CNTNAP4: variants seen among roughly 807,000 people sequenced by gnomAD.
The protein encoded by CNTNAP4 is contactin associated protein family member 4, also known as contactin-associated protein-like 4.
In CNTNAP4, 98 loss-of-function variants were observed where a neutral mutation model predicts 148.4. The ratio of observed to expected loss-of-function variants is 0.66; its 90% CI spans 0.56 to 0.78. CNTNAP4 has a LOEUF of 0.78. CNTNAP4 is among the 30% of genes least tolerant of loss of function. The pLI is 0.00. For synonymous variants in CNTNAP4, 730 were observed against 565.1 expected (o/e 1.29, Z -4.14); for missense variants, 1,935 against 1,565.6 (o/e 1.24, Z -3.98).
intron 3 of CNTNAP4, among the ~76,000 whole-genome samples, chr16:76,422,217 G>C (rs1200616650): frequency 6.6e-6 from 1 of 151,912 alleles, no homozygotes; most frequent in Non-Finnish European, 1.5e-5. Flanking sequence ...TACAATGAAG[G>C]CTTTTTGGTT....
At chr16:76,309,169 A>C (rs181132005) in intron 1 of CNTNAP4, among the ~76,000 whole-genome samples, 2 of 152,196 alleles carry the variant, frequency 1.3e-5, no homozygotes, top group Admixed American at 1.3e-4. Flanking sequence ...CTGGGTGCTT[A>C]AAATGGACTT....
In CNTNAP4 at chr16:76,476,059, A is replaced by T; in HGVS notation, c.1762+14A>T. ...CTTGCCATAACTGTAAGCGGAACAC[A>T]TCTGCTTTTTCTTGCCCCTGTGATG... On this transcript the variant is annotated intron_variant, in intron 11 of 23. Coordinates refer to ENST00000611870, the MANE Select transcript of CNTNAP4 (RefSeq NM_033401.5). 6.4e-7 allele frequency: 1 copy of T among 1,561,828 alleles called. No individual in the cohort carries two copies. Among genetic ancestry groups the T allele is most frequent in the Non-Finnish European group, 8.8e-7 (1 of 1,132,580 alleles).
At chr16:76,457,594 A>G (rs1174297542) in intron 8 of CNTNAP4, among the ~76,000 whole-genome samples, 1 of 152,084 alleles carries the variant, frequency 6.6e-6, no homozygotes, top group East Asian at 1.9e-4. Context: ...ATGCCTAACC[A>G]ATGACTGCCC....
chr16:76,384,887 G>T (rs2016357061), intron 3 of CNTNAP4, among the ~76,000 whole-genome samples: 1 of 151,926 alleles, frequency 6.6e-6, no homozygotes, highest in Non-Finnish European at 1.5e-5. Flanking sequence ...AGAACAACAG[G>T]GAAATCATAT....
At chr16:76,429,048 T>C (rs757976494) in intron 4 of CNTNAP4, among the ~76,000 whole-genome samples, 64 of 152,202 alleles carry the variant, frequency 4.2e-4, no homozygotes, top group African/African-American at 1.5e-3. Flanking sequence ...CCTCTAGTTG[T>C]TGAATAACAG....
intron 11 of CNTNAP4, among the ~76,000 whole-genome samples, chr16:76,476,548 G>A (rs796387800): frequency 7.9e-5 from 12 of 152,258 alleles, no homozygotes; most frequent in African/African-American, 2.6e-4. Context: ...CCATAGCCTA[G>A]GTGACTTACA....
intron 23 of CNTNAP4, among the ~76,000 whole-genome samples, chr16:76,555,778 A>G (rs866354957): frequency 2.0e-5 from 3 of 152,370 alleles, no homozygotes; most frequent in Non-Finnish European, 4.4e-5. Context: ...ACTTAGCTCA[A>G]ATTCACAGGA....
chr16:76,408,380 A>ACAATTAACAGTTGTTAATCTATTAC, intron 3 of CNTNAP4, among the ~76,000 whole-genome samples: 1 of 147,374 alleles, frequency 6.8e-6, no homozygotes, highest in African/African-American at 2.4e-5. Context: ...TAATCTATTA[A>ACAATTAACAGTTGTTAATCTATTAC]CAATTAACAG....
chr16:76,379,110 T>C (rs967777821), intron 3 of CNTNAP4, among the ~76,000 whole-genome samples: 4 of 152,114 alleles, frequency 2.6e-5, no homozygotes, highest in Non-Finnish European at 5.9e-5. Flanking sequence ...TGGGATGCCT[T>C]TTGCTCTGCA....
In CNTNAP4 at chr16:76,448,157, T is replaced by C. The variant is rs202177060; in HGVS notation, c.684T>C (p.Asn228=). Residue 228 remains asparagine (N), a synonymous_variant, in exon 5 of 24, where the codon AAT becomes AAC. Transcript: ENST00000611870. ...TTCTACTCCACAGGGAAGGGCCAAA[T>C]GGAGATCACATCACACTGCAATTAA... ...DGILLHREGP[N]GDHITLQLRR... is the part of the protein sequence containing the mutation. 1.2e-5 allele frequency: 20 copies of C among 1,613,698 alleles called. No individual in the cohort carries two copies. The African/African-American group carries it at 1.9e-4, about 15-fold the overall frequency.
intron 15 of CNTNAP4, among the ~76,000 whole-genome samples, chr16:76,500,616 T>TTGTG (rs5818001): frequency 2.0e-5 from 3 of 147,820 alleles, no homozygotes; most frequent in African/African-American, 5.0e-5. Context: ...TTTTTCCAGT[T>TTGTG]TGTGTGTGTG....
At chr16:76,328,989 C>G (rs1356975971) in intron 2 of CNTNAP4, among the ~76,000 whole-genome samples, 1 of 152,134 alleles carries the variant, frequency 6.6e-6, no homozygotes, top group Non-Finnish European at 1.5e-5. Flanking sequence ...TTTGGGAACC[C>G]TCTGTAATAT....
intron 2 of CNTNAP4, among the ~76,000 whole-genome samples, chr16:76,318,303 T>G (rs978312046): frequency 1.3e-5 from 2 of 152,252 alleles, no homozygotes; most frequent in African/African-American, 4.8e-5. Context: ...CTTGATTTCC[T>G]TTGTTGAGGT....
intron 3 of CNTNAP4, among the ~76,000 whole-genome samples, chr16:76,394,089 G>C (rs191810431): frequency 6.6e-6 from 1 of 152,166 alleles, no homozygotes; most frequent in Non-Finnish European, 1.5e-5. Context: ...ATTATGGCAA[G>C]CTCTGGCTTC....
chr16:76,518,287 C>A (rs2144073849), intron 15 of CNTNAP4, among the ~76,000 whole-genome samples: 1 of 152,160 alleles, frequency 6.6e-6, no homozygotes, highest in South Asian at 2.1e-4. Context: ...GCCACAATGC[C>A]TGGCTAATTT....
chr16:76,554,197 A>G (rs1431571562), intron 23 of CNTNAP4, among the ~76,000 whole-genome samples: 1 of 152,208 alleles, frequency 6.6e-6, no homozygotes. Context: ...AAGCTTGAAC[A>G]TAGCCACAGG....
chr16:76,551,389 G>T (rs1440424447), intron 21 of CNTNAP4, among the ~76,000 whole-genome samples: 5 of 117,180 alleles, frequency 4.3e-5, no homozygotes, highest in Non-Finnish European at 6.8e-5. Context: ...CAGAGTGAGA[G>T]TCTGTTAAAA....
intron 2 of CNTNAP4, among the ~76,000 whole-genome samples, chr16:76,336,222 A>T (rs146012040): frequency 1.1e-3 from 165 of 152,318 alleles, no homozygotes; most frequent in Non-Finnish European, 1.1e-3. Context: ...AGATTTTCAC[A>T]CTTGAGGCTG....
intron 14 of CNTNAP4, among the ~76,000 whole-genome samples, chr16:76,498,228 CA>C (rs2082472678): frequency 6.6e-6 from 1 of 151,956 alleles, no homozygotes; most frequent in Non-Finnish European, 1.5e-5. Flanking sequence ...CTGACTCTAC[CA>C]AAAAATACAA....
Sources: allele counts gnomAD v4.1 joint callset (sites outside exome capture counted in the v4.1 genomes callset), GRCh38; gene constraint gnomAD v4.1.1; transcripts MANE v1.5; gene names NCBI Gene and HGNC (gene_info 2026-07-23, HGNC 2026-07-21).